GALNT13: variants seen among roughly 807,000 people sequenced by gnomAD.
GALNT13 encodes polypeptide N-acetylgalactosaminyltransferase 13, also known as UDP-GalNAc:polypeptide N-acetylgalactosaminyltransferase 13.
Under a neutral mutation model 64.2 loss-of-function variants are expected in GALNT13, and 28 were observed. The ratio of observed to expected loss-of-function variants is 0.44; its 90% CI spans 0.32 to 0.60. The LOEUF is 0.60. Ranked by LOEUF, GALNT13 falls within the 20% of genes least tolerant of loss-of-function variation. GALNT13 has a pLI of 0.05. For missense variants in GALNT13, 577 were observed against 669.8 expected (o/e 0.86, Z 1.53); for synonymous variants, 214 against 224.6 (o/e 0.95, Z 0.42).
chr2:153,794,888 G>A, the GALNT13 span, among the ~76,000 whole-genome samples: 3 of 152,132 alleles, frequency 2.0e-5, no homozygotes, highest in African/African-American at 7.2e-5. Context: ...TTTAAGCAAT[G>A]ATAAATGTGG....
the GALNT13 span, among the ~76,000 whole-genome samples, chr2:153,574,773 G>C: frequency 6.7e-6 from 1 of 148,546 alleles, no homozygotes; most frequent in Non-Finnish European, 1.5e-5. Flanking sequence ...TCAGAATTCT[G>C]TGTTATCTTG....
chr2:153,794,412 GAA>G, the GALNT13 span, among the ~76,000 whole-genome samples: 1 of 151,928 alleles, frequency 6.6e-6, no homozygotes, highest in Non-Finnish European at 1.5e-5. Context: ...CACCATAAAA[GAA>G]AATTTCATAC....
At chr2:153,808,582 G>A in the GALNT13 span, among the ~76,000 whole-genome samples, 1 of 152,020 alleles carries the variant, frequency 6.6e-6, no homozygotes, top group East Asian at 1.9e-4. Flanking sequence ...TTCAGTCTCT[G>A]TTGTTGATGT....
the GALNT13 span, among the ~76,000 whole-genome samples, chr2:153,443,780 G>C: frequency 6.6e-6 from 1 of 152,058 alleles, no homozygotes; most frequent in African/African-American, 2.4e-5. Context: ...AAAATTAGCC[G>C]GGCGTGATGG....
the GALNT13 span, among the ~76,000 whole-genome samples, chr2:153,476,034 C>T: frequency 6.6e-6 from 1 of 152,170 alleles, no homozygotes; most frequent in Admixed American, 6.5e-5. Context: ...ACCCTGCCCC[C>T]TGCCCAGATA....
chr2:154,408,410 C>G (rs1248163802), intron 10 of GALNT13, among the ~76,000 whole-genome samples: 1 of 151,962 alleles, frequency 6.6e-6, no homozygotes, highest in African/African-American at 2.4e-5. Context: ...TCCTTAGGGT[C>G]AAGCACTTCC....
chr2:153,615,012 T>C, the GALNT13 span, among the ~76,000 whole-genome samples: 37 of 152,040 alleles, frequency 2.4e-4, no homozygotes, highest in Non-Finnish European at 5.0e-4. Flanking sequence ...CATCACCACC[T>C]CCGCAACACC....
intron 4 of GALNT13, among the ~76,000 whole-genome samples, chr2:154,209,915 A>G (rs1246951676): frequency 2.0e-5 from 3 of 152,180 alleles, no homozygotes; most frequent in African/African-American, 7.2e-5. Flanking sequence ...TTATTTAACT[A>G]TAGTCACCAT....
At chr2:153,901,051 G>A (rs976943579) in intron 2 of GALNT13, 44 bp downstream of exon 2, 4 of 152,056 alleles carry the variant, frequency 2.6e-5, no homozygotes, top group African/African-American at 9.7e-5. Flanking sequence ...AGTCATGTTC[G>A]ATTAATTTGG....
At chr2:153,889,785 T>C (rs1687429912) in intron 1 of GALNT13, among the ~76,000 whole-genome samples, 1 of 152,038 alleles carries the variant, frequency 6.6e-6, no homozygotes, top group Admixed American at 6.6e-5. Context: ...GATTTTGAGA[T>C]CTACATAGTT....
the GALNT13 span, among the ~76,000 whole-genome samples, chr2:153,721,869 C>T: frequency 2.6e-5 from 4 of 151,560 alleles, no homozygotes; most frequent in South Asian, 6.3e-4. Context: ...GAGACTTTAA[C>T]ACCCCACTGT....
the GALNT13 span, among the ~76,000 whole-genome samples, chr2:153,627,794 A>C: frequency 6.6e-6 from 1 of 152,220 alleles, no homozygotes; most frequent in Non-Finnish European, 1.5e-5. Flanking sequence ...TGATGCCTCC[A>C]GCTTTGTTCT....
rs1331842019 is a variant in GALNT13 at position 154,139,456 on chromosome 2, AACATTGGAAGAGTCGAG to A, written c.143-861_143-845del. ...TGTGTTAGGAACTATAATATAGCAGAACATTGGAAGAGTCGAGACATTGGAAGAGTCGAGACCAGAAC... is the reference window on the plus strand; with the variant it reads ...TGTGTTAGGAACTATAATATAGCAGAACATTGGAAGAGTCGAGACCAGAAC... On this transcript the variant is annotated intron_variant, in intron 3 of 12. Coordinates refer to ENST00000392825, the MANE Select transcript of GALNT13 (RefSeq NM_052917.4). 2.0e-5 allele frequency among the ~76,000 whole-genome samples: 3 copies of A among 151,994 alleles called. No individual in the cohort carries two copies. The South Asian group carries it at 6.2e-4, about 31-fold the overall frequency.
chr2:154,284,528 C>T (rs1475795429), intron 8 of GALNT13, among the ~76,000 whole-genome samples: 1 of 151,528 alleles, frequency 6.6e-6, no homozygotes, highest in Non-Finnish European at 1.5e-5. Flanking sequence ...GCTACACACA[C>T]ACACACACAC....
At chr2:153,134,821 G>C in the GALNT13 span, among the ~76,000 whole-genome samples, 2 of 152,042 alleles carry the variant, frequency 1.3e-5, no homozygotes, top group Non-Finnish European at 2.9e-5. Context: ...AATGTGATCA[G>C]CTCCTCCGTT....
intron 3 of GALNT13, among the ~76,000 whole-genome samples, chr2:153,968,134 C>A (rs1693498604): frequency 1.3e-5 from 2 of 152,240 alleles, no homozygotes; most frequent in African/African-American, 2.4e-5. Flanking sequence ...CTGAGACCAG[C>A]CTAGCACCAG....
intron 9 of GALNT13, among the ~76,000 whole-genome samples, chr2:154,392,124 T>A (rs941651067): frequency 1.3e-5 from 2 of 152,124 alleles, no homozygotes; most frequent in East Asian, 3.9e-4. Context: ...GGGGCTAGAA[T>A]GAAGATGTTA....
intron 9 of GALNT13, among the ~76,000 whole-genome samples, chr2:154,367,761 T>C (rs1697453205): frequency 1.3e-5 from 2 of 152,158 alleles, no homozygotes; most frequent in South Asian, 4.1e-4. Context: ...TCTCTATTGA[T>C]AAAGAGTAGG....
chr2:153,294,169 T>C, the GALNT13 span, among the ~76,000 whole-genome samples: 1 of 152,090 alleles, frequency 6.6e-6, no homozygotes, highest in African/African-American at 2.4e-5. Flanking sequence ...AATGTTAAAA[T>C]TCTGGAAATC....
Sources: gnomAD v4.1 joint callset for allele counts (sites outside exome capture counted in the v4.1 genomes callset) on GRCh38, gnomAD v4.1.1 for gene constraint, MANE v1.5 for transcripts, NCBI Gene and HGNC (gene_info 2026-07-23, HGNC 2026-07-21) for gene names.